Variants in VMA12 observed in about 807,000 individuals in gnomAD.
VMA12 encodes vacuolar ATPase assembly factor VMA12.
the VMA12 span, chr17:28,358,934 A>G: frequency 8.7e-6 from 14 of 1,611,704 alleles, no homozygotes; most frequent in Admixed American, 3.4e-5. Flanking sequence ...CTATACCTCC[A>G]TGAGCTCCTA....
chr17:28,360,711 G>C, the VMA12 span: 2 of 1,610,732 alleles, frequency 1.2e-6, no homozygotes, highest in Admixed American at 3.3e-5. Context: ...AACTAAAGGT[G>C]CCCTCTCTGG....
the VMA12 span, chr17:28,358,532 A>C: frequency 2.1e-6 from 1 of 476,832 alleles, no homozygotes; most frequent in East Asian, 6.8e-5. Flanking sequence ...CAATTATTAG[A>C]ACTAGAAAGG....
chr17:28,360,844 C>G, the VMA12 span: 1 of 1,613,346 alleles, frequency 6.2e-7, no homozygotes, highest in Non-Finnish European at 8.5e-7. Context: ...CAGAAATGGC[C>G]TCGGTGAGTA....
At chr17:28,359,458 T>A in the VMA12 span, 1 of 1,524,642 alleles carries the variant, frequency 6.6e-7, no homozygotes, top group Non-Finnish European at 9.1e-7. Context: ...AGTAGGGCCC[T>A]GCAGTGGAAG....
At chr17:28,358,268 G>T in the VMA12 span, 9 of 409,364 alleles carry the variant, frequency 2.2e-5, no homozygotes, top group Admixed American at 2.7e-4. Flanking sequence ...AAGCAAGAGT[G>T]GTGAAATCTG....
the VMA12 span, chr17:28,359,441 C>T: frequency 1.9e-6 from 3 of 1,597,998 alleles, no homozygotes; most frequent in Admixed American, 3.3e-5. Flanking sequence ...TCTAGGTAGC[C>T]CCTCAGAGTA....
the VMA12 span, chr17:28,360,179 G>A: frequency 5.2e-5 from 11 of 211,596 alleles, no homozygotes; most frequent in Non-Finnish European, 1.1e-4. Flanking sequence ...GGCTGGTCTT[G>A]AACTCCCAGC....
chr17:28,360,549 T>C, the VMA12 span: 7 of 1,614,086 alleles, frequency 4.3e-6, no homozygotes, highest in South Asian at 7.7e-5. Context: ...ATGGTGGGAC[T>C]CTCAGCGACC....
chr17:28,357,888 C>G, the VMA12 span: 1 of 1,613,690 alleles, frequency 6.2e-7, no homozygotes, highest in East Asian at 2.2e-5. Flanking sequence ...AGGGGTGAGC[C>G]CCAGTCTCCA....
chr17:28,359,046 A>T, the VMA12 span: 1 of 1,452,326 alleles, frequency 6.9e-7, no homozygotes, highest in Non-Finnish European at 9.5e-7. Context: ...CTTATCCATG[A>T]TACACTGAAC....
At chr17:28,362,659 A>G in the VMA12 span, 1 of 152,210 alleles carries the variant, frequency 6.6e-6, no homozygotes, top group Non-Finnish European at 1.5e-5. Context: ...ATTAGCTGAC[A>G]TGGTAGCGCA....
At chr17:28,361,493 T>C in the VMA12 span, 3 of 489,440 alleles carry the variant, frequency 6.1e-6, no homozygotes, top group African/African-American at 1.9e-5. Context: ...GGTCTATCAG[T>C]ACCTCTTCCT....
At chr17:28,359,517 C>G in the VMA12 span, 12 of 934,764 alleles carry the variant, frequency 1.3e-5, no homozygotes, top group African/African-American at 1.7e-4. Flanking sequence ...CTATACTGTT[C>G]AGGGACCATA....
the VMA12 span, chr17:28,358,114 C>G: frequency 1.8e-6 from 1 of 565,678 alleles, no homozygotes; most frequent in Middle Eastern, 4.7e-4. Flanking sequence ...CACTTCCAGG[C>G]ACACCTAGGC....
chr17:28,360,636 G>C, the VMA12 span: 3 of 1,607,116 alleles, frequency 1.9e-6, no homozygotes, highest in Non-Finnish European at 2.6e-6. Context: ...ACTCAGGCTT[G>C]TTGTTTGACT....
chr17:28,359,440 C>A, the VMA12 span: 4 of 1,599,916 alleles, frequency 2.5e-6, no homozygotes, highest in Non-Finnish European at 3.4e-6. Flanking sequence ...GTCTAGGTAG[C>A]CCCTCAGAGT....
chr17:28,358,068 C>G, the VMA12 span: 1 of 654,864 alleles, frequency 1.5e-6, no homozygotes, highest in Non-Finnish European at 2.6e-6. Context: ...GACAAATTTG[C>G]TTGTGCAGTT....
chr17:28,359,016 T>C, the VMA12 span: 1 of 1,580,370 alleles, frequency 6.3e-7, no homozygotes, highest in Non-Finnish European at 8.6e-7. Context: ...TTTGTGAGAG[T>C]GGTTATTGAC....
chr17:28,359,118 A>T, the VMA12 span: 1 of 1,001,148 alleles, frequency 1.0e-6, no homozygotes, highest in South Asian at 1.7e-5. Context: ...TGGGGGAGCC[A>T]GATATTGTCC....
Sources: allele counts gnomAD v4.1 joint callset, GRCh38; gene constraint gnomAD v4.1.1; transcripts MANE v1.5; gene names NCBI Gene and HGNC (gene_info 2026-07-23, HGNC 2026-07-21).